TAS1R2: variants seen among roughly 807,000 people sequenced by gnomAD.
TAS1R2 encodes taste receptor type 1 member 2.
In TAS1R2, 47 loss-of-function variants were observed where a neutral mutation model predicts 49.3. The observed-to-expected ratio is 0.95, with a 90% CI of 0.75 to 1.22. TAS1R2 has a LOEUF of 1.22. TAS1R2 is among the 50% of genes most tolerant of loss of function. The pLI is 0.00. For missense variants in TAS1R2, 1,155 were observed against 1,122.1 expected, an observed-to-expected ratio of 1.03 and a Z score of -0.42; for synonymous variants, 479 against 467.9, an observed-to-expected ratio of 1.02 and a Z score of -0.31.
chr1:18,859,536 T>C lies in TAS1R2; in HGVS notation c.125A>G (p.His42Arg), dbSNP rs138021552. 107 of 1,613,982 alleles carry C rather than the reference T, an allele frequency of 6.6e-5. No individual in the cohort carries two copies. Among genetic ancestry groups the C allele is most frequent in the Middle Eastern group, 3.3e-4 (2 of 6,084 alleles). The stretch of plus-strand genomic sequence containing the variant: ...GTGAACAATGCCCTTCATGTTGGCA[T>C]GGAGGGAGAAGAGGCCACCCAGGAG... The change falls in exon 1 of 6, where the codon CAT becomes CGT. Residue 42 changes from histidine (H) to arginine (R), a missense_variant. Transcript: ENST00000375371.
intron 4 of TAS1R2, 86 bp downstream of exon 4, chr1:18,849,255 T>C: frequency 7.2e-7 from 1 of 1,388,848 alleles, no homozygotes; most frequent in Non-Finnish European, 1.0e-6. Context: ...CCAGGCTCTG[T>C]CCCTAATGAA....
At chr1:18,847,012 C>T (rs1405456607) in intron 4 of TAS1R2, among the ~76,000 whole-genome samples, 2 of 152,228 alleles carry the variant, frequency 1.3e-5, no homozygotes, top group African/African-American at 4.8e-5. Context: ...AACAAGGTGG[C>T]TCCCCCTTTG....
intron 5 of TAS1R2, among the ~76,000 whole-genome samples, chr1:18,841,255 A>T (rs1933817962): frequency 6.6e-6 from 1 of 152,222 alleles, no homozygotes; most frequent in Non-Finnish European, 1.5e-5. Context: ...TCATCAAGGA[A>T]GTCATTCAAC....
chr1:18,851,104 G>A (rs908872573), intron 3 of TAS1R2, among the ~76,000 whole-genome samples: 2 of 152,158 alleles, frequency 1.3e-5, no homozygotes, highest in Non-Finnish European at 2.9e-5. Flanking sequence ...TCCATTCCAG[G>A]TATGATAGCT....
intron 3 of TAS1R2, among the ~76,000 whole-genome samples, chr1:18,849,797 A>AACCTCTCTGAACCCGTTTCCTC (rs1553151097): frequency 2.0e-5 from 3 of 152,158 alleles, no homozygotes; most frequent in African/African-American, 7.2e-5. Flanking sequence ...CCTGTTTCTT[A>AACCTCTCTGAACCCGTTTCCTC]ACCTCTCTGA....
At chr1:18,839,747 A>C in exon 6 of TAS1R2, 1 of 1,614,256 alleles carries the variant, frequency 6.2e-7, no homozygotes, top group Non-Finnish European at 8.5e-7. Flanking sequence ...CAAGAGGTCC[A>C]CGATGGTGAC....
At chr1:18,852,414 G>A (rs912066075) in intron 3 of TAS1R2, among the ~76,000 whole-genome samples, 1 of 152,206 alleles carries the variant, frequency 6.6e-6, no homozygotes, top group Non-Finnish European at 1.5e-5. Context: ...GAGCATCTTG[G>A]TCTAACTTGT....
At chr1:18,858,912 CT>C (rs1934189561) in intron 1 of TAS1R2, among the ~76,000 whole-genome samples, 1 of 152,180 alleles carries the variant, frequency 6.6e-6, no homozygotes. Context: ...AGAGGTCACT[CT>C]TTTTTAGTCC....
chr1:18,848,431 C>T (rs1369972228), intron 4 of TAS1R2, among the ~76,000 whole-genome samples: 1 of 152,072 alleles, frequency 6.6e-6, no homozygotes, highest in Non-Finnish European at 1.5e-5. Context: ...ATGCATAGTT[C>T]CCAATCAGTG....
At chr1:18,852,385 G>T (rs1211936741) in intron 3 of TAS1R2, among the ~76,000 whole-genome samples, 1 of 152,194 alleles carries the variant, frequency 6.6e-6, no homozygotes, top group African/African-American at 2.4e-5. Flanking sequence ...CCACAGGTCT[G>T]CGTGCATCCA....
intron 4 of TAS1R2, among the ~76,000 whole-genome samples, chr1:18,844,683 G>A (rs1311655516): frequency 6.6e-6 from 1 of 152,150 alleles, no homozygotes; most frequent in Non-Finnish European, 1.5e-5. Context: ...GATCCCTGGG[G>A]GCGGAGGTTG....
intron 2 of TAS1R2, 138 bp downstream of exon 2, chr1:18,857,193 T>G (rs1007896351): frequency 3.1e-6 from 3 of 977,222 alleles, no homozygotes; most frequent in Non-Finnish European, 4.5e-6. Flanking sequence ...TTCTCAAGAT[T>G]TGGGCTGATG....
At chr1:18,843,668 T>C (rs1308136180) in intron 4 of TAS1R2, among the ~76,000 whole-genome samples, 1 of 152,228 alleles carries the variant, frequency 6.6e-6, no homozygotes, top group Admixed American at 6.5e-5. Flanking sequence ...TTGAGTTATC[T>C]ATGCTTATAA....
chr1:18,859,130 A>G (rs764842959), intron 1 of TAS1R2, among the ~76,000 whole-genome samples: 5 of 152,152 alleles, frequency 3.3e-5, no homozygotes, highest in Non-Finnish European at 7.3e-5. Flanking sequence ...GGGCTTTGAC[A>G]TGGACCCATT....
At position 18,854,635 on chromosome 1, in the gene TAS1R2, G is replaced by A. The variant is rs1214715696; in HGVS notation, c.835C>T (p.Leu279=). 1 of 1,614,098 alleles carries A rather than the reference G, an allele frequency of 6.2e-7. No homozygotes were observed. Among genetic ancestry groups the A allele is most frequent in the East Asian group, 2.2e-5 (1 of 44,882 alleles). Residue 279 remains leucine (L), a synonymous_variant, in exon 3 of 6, where the codon CTG becomes TTG. Coordinates refer to ENST00000375371, the Ensembl canonical transcript of TAS1R2. This position sits in a 1 kb window ranked among gnomAD's most constrained non-coding sequence, Gnocchi z 4.9. ...TCATTGAAGAAGTGGTACAGGGTCA[G>A]GTCGGGCGAGAACACGACCACGACG... is the stretch of plus-strand genomic sequence containing the variant.
intron 1 of TAS1R2, 91 bp downstream of exon 1, chr1:18,859,388 G>T (rs887414330): frequency 2.4e-5 from 36 of 1,497,848 alleles, no homozygotes; most frequent in Non-Finnish European, 3.2e-5. Flanking sequence ...TAAGCCCTTG[G>T]TCCTGGTCTG....
intron 3 of TAS1R2, among the ~76,000 whole-genome samples, chr1:18,852,014 A>G (rs28567073): frequency 6.6e-5 from 10 of 152,226 alleles, no homozygotes; most frequent in African/African-American, 2.4e-4. Context: ...TCCGGCACAT[A>G]AGTGCCCATT....
rs1299348159 is a variant in TAS1R2, at chr1:18,854,610, T to G, written c.860A>C (p.Glu287Ala). The G allele has an allele frequency of 6.2e-7, 1 of 1,613,876 alleles. No homozygotes were observed. The highest frequency in any genetic ancestry group is 2.2e-5 in the East Asian group (1 of 44,876). ...GCCAGTGAAGTTCTGGCGCAGCACCTCATTGAAGAAGTGGTACAGGGTCAG... is the reference window on the plus strand; with the variant it reads ...GCCAGTGAAGTTCTGGCGCAGCACCGCATTGAAGAAGTGGTACAGGGTCAG... Residue 287 changes from glutamate (E) to alanine (A), a missense_variant, in exon 3 of 6, where the codon GAG (glutamate) becomes GCG (alanine). Coordinates refer to ENST00000375371, the Ensembl canonical transcript of TAS1R2. The surrounding 1 kb of genome is among the most constrained non-coding windows in gnomAD (Gnocchi z 4.9).
chr1:18,840,613 G>T, intron 5 of TAS1R2, 86 bp from the exon 6 acceptor site: 1 of 1,452,594 alleles, frequency 6.9e-7, no homozygotes, highest in East Asian at 2.3e-5. Context: ...CCAGGCTCCA[G>T]GGATGAAGAG....
Sources: allele counts gnomAD v4.1 joint callset (sites outside exome capture counted in the v4.1 genomes callset), GRCh38; gene constraint gnomAD v4.1.1; non-coding constraint Gnocchi (gnomAD v3.1); transcripts MANE v1.5; gene names NCBI Gene and HGNC (gene_info 2026-07-23, HGNC 2026-07-21).